Variants in PTK7 observed in about 807,000 individuals in gnomAD.
PTK7 encodes inactive tyrosine-protein kinase 7.
PTK7 carries 39 observed loss-of-function variants against 116.6 expected under a neutral mutation model. The ratio of observed to expected loss-of-function variants is 0.33; its 90% CI spans 0.26 to 0.44. The LOEUF (loss-of-function observed/expected upper bound fraction) is 0.44. PTK7 is among the 20% of genes least tolerant of loss of function. The pLI is 1.00. For synonymous variants in PTK7, 546 were observed against 563.6 expected, an observed-to-expected ratio of 0.97 and a Z score of 0.44; for missense variants, 1,169 against 1,425.6, an observed-to-expected ratio of 0.82 and a Z score of 2.90.
Position 43,141,880 on chromosome 6 carries a change from C to T in PTK7, c.1769-51C>T, listed in dbSNP as rs1582187033. 2.5e-6 allele frequency: 4 copies of T among 1,597,520 alleles called. No individual in the cohort carries two copies. In the East Asian group the frequency reaches 9.0e-5, roughly 36 times the overall value. The stretch of plus-strand genomic sequence containing the variant: ...TCTGGGGTAGCACCGTGTACCCTGC[C>T]AGCCCCTTGGCTTACCCCTCCCTGC... On this transcript the variant is annotated intron_variant, in intron 11 of 19. Coordinates refer to ENST00000230419, the MANE Select transcript of PTK7 (RefSeq NM_002821.5). This position sits in a 1 kb window ranked among gnomAD's most constrained non-coding sequence, Gnocchi z 4.9.
chr6:43,079,413 TCGTGC>T (rs1766239096), intron 1 of PTK7, among the ~76,000 whole-genome samples: 1 of 123,260 alleles, frequency 8.1e-6, no homozygotes, highest in African/African-American at 3.7e-5. Context: ...CTTGCAGTGA[TCGTGC>T]CACTGCACTC....
At position 43,139,307 on chromosome 6, in the gene PTK7, G is replaced by A. The variant is rs761529065; in HGVS notation, c.1498+36G>A. 4 of 1,614,200 alleles carry A rather than the reference G, an allele frequency of 2.5e-6. No individual in the cohort carries two copies. The highest frequency in any genetic ancestry group is 2.7e-5 in the African/African-American group (2 of 75,072). On this transcript the variant is annotated intron_variant, in intron 9 of 19. Coordinates refer to ENST00000230419, the MANE Select transcript of PTK7 (RefSeq NM_002821.5). The surrounding 1 kb of genome is among the most constrained non-coding windows in gnomAD (Gnocchi z 4.6). ...ATGTCTTGGGGGAGCACCCTTCCTG[G>A]CTAGGCAGGAGAGGAAAGGGGAGGG...
rs1243717750 is a variant in PTK7, at chr6:43,139,019, C to A, written c.1362+37C>A. The A allele has an allele frequency of 3.7e-6, 6 of 1,608,362 alleles. No individual in the cohort carries two copies. Among genetic ancestry groups the A allele is most frequent in the Non-Finnish European group, 3.4e-6 (4 of 1,176,060 alleles). On this transcript the variant is annotated intron_variant, in intron 8 of 19. Coordinates refer to ENST00000230419, the MANE Select transcript of PTK7 (RefSeq NM_002821.5). This position sits in a 1 kb window ranked among gnomAD's most constrained non-coding sequence, Gnocchi z 4.6. ...GAGTGTTGCTAGTGGATGGGCGGGG[C>A]CTTCCCTCCACTTGCCCTCTTCTGT...
At chr6:43,080,898 C>T (rs1054476403) in intron 1 of PTK7, among the ~76,000 whole-genome samples, 2 of 151,894 alleles carry the variant, frequency 1.3e-5, no homozygotes, top group Non-Finnish European at 2.9e-5. Context: ...GCCGAGATCG[C>T]GCCGCTGCAC....
chr6:43,143,675 C>T lies in PTK7; in HGVS notation c.2251+55C>T, dbSNP rs1770559900. 6.4e-7 allele frequency: 1 copy of T among 1,561,226 alleles called. No homozygotes were observed. The highest frequency in any genetic ancestry group is 1.4e-5 in the African/African-American group (1 of 73,520). On this transcript the variant is annotated intron_variant, in intron 14 of 19. Coordinates refer to ENST00000230419, the MANE Select transcript of PTK7 (RefSeq NM_002821.5). The surrounding 1 kb of genome is among the most constrained non-coding windows in gnomAD (Gnocchi z 4.2). ...CCGTGTGCGGGAGCTGAGCGCCCTC[C>T]CGCGGCCACGGAGGGGAGAGCGCCA...
chr6:43,085,178 A>T (rs182369631), intron 1 of PTK7, among the ~76,000 whole-genome samples: 3 of 152,312 alleles, frequency 2.0e-5, no homozygotes, highest in Non-Finnish European at 4.4e-5. Flanking sequence ...CAACTGTGGA[A>T]ATGGGTGACC....
In PTK7 at chr6:43,158,820, G is replaced by A; in HGVS notation, c.2725G>A (p.Ala909Thr). 6.2e-7 allele frequency: 1 copy of A among 1,613,828 alleles called. No homozygotes were observed. The change falls in exon 18 of 20, where the codon GCC becomes ACC. Residue 909 changes from alanine to threonine, a missense_variant. This residue lies in a region of PTK7 where 678 missense variants were observed against 853.8 expected (regional missense o/e 0.79). Transcript: ENST00000230419. ...SQPLSTKQKV[A>T]LCTQVALGME... ...ACAGGCCCCTTTATCTCTCCAGGTGGCCCTATGCACCCAGGTAGCCCTGGG... is the reference window on the plus strand; with the variant it reads ...ACAGGCCCCTTTATCTCTCCAGGTGACCCTATGCACCCAGGTAGCCCTGGG...
At chr6:43,113,028 G>C (rs888558705) in intron 1 of PTK7, among the ~76,000 whole-genome samples, 2 of 151,774 alleles carry the variant, frequency 1.3e-5, no homozygotes, top group African/African-American at 4.8e-5. Flanking sequence ...GGGTTTTGCT[G>C]TGCTGCTTAG....
intron 1 of PTK7, among the ~76,000 whole-genome samples, chr6:43,103,966 A>G (rs1400816645): frequency 6.6e-6 from 1 of 152,214 alleles, no homozygotes; most frequent in Non-Finnish European, 1.5e-5. Context: ...TGTTTTCTCA[A>G]ATCATGTGCA....
chr6:43,153,659 C>T (rs1429195154), intron 17 of PTK7, among the ~76,000 whole-genome samples: 1 of 152,210 alleles, frequency 6.6e-6, no homozygotes, highest in East Asian at 1.9e-4. Flanking sequence ...AATCCTCCCA[C>T]ATCAGCTTCT....
At chr6:43,115,155 T>C (rs997528468) in intron 1 of PTK7, among the ~76,000 whole-genome samples, 1 of 152,208 alleles carries the variant, frequency 6.6e-6, no homozygotes, top group Non-Finnish European at 1.5e-5. Context: ...AAAATACTTA[T>C]TTTGCTATCT....
intron 1 of PTK7, among the ~76,000 whole-genome samples, chr6:43,115,451 G>A (rs749547298): frequency 1.5e-4 from 23 of 152,026 alleles, no homozygotes; most frequent in Non-Finnish European, 2.2e-4. Flanking sequence ...GTGCCCCCAG[G>A]GCTCACCTAA....
chr6:43,103,226 G>C (rs1382207946), intron 1 of PTK7, among the ~76,000 whole-genome samples: 1 of 152,236 alleles, frequency 6.6e-6, no homozygotes, highest in African/African-American at 2.4e-5. Context: ...GACAGCACCA[G>C]TAAATACCCT....
rs1475020239 is a variant in PTK7, at chr6:43,129,296, C to CT, written c.367+33dup. Reference sequence around the variant, plus strand: ...GCCAGGGGGGCTGTGCCCAGTCCCCCTGTCAGACCCTCAATGACTGAGGCC... The same window carrying CT: ...GCCAGGGGGGCTGTGCCCAGTCCCCCTTGTCAGACCCTCAATGACTGAGGCC... On this transcript the variant is annotated intron_variant, in intron 2 of 19. Coordinates refer to ENST00000230419, the MANE Select transcript of PTK7 (RefSeq NM_002821.5). This position sits in a 1 kb window ranked among gnomAD's most constrained non-coding sequence, Gnocchi z 4.5. 1.2e-6 allele frequency: 2 copies of CT among 1,612,064 alleles called. No homozygotes were observed.
In PTK7 at chr6:43,150,069, TGATAA is replaced by T. The variant is rs548600972; in HGVS notation, c.2721+3375_2721+3379del. Among the ~76,000 whole-genome samples the T allele has an allele frequency of 6.4e-3, 980 of 152,342 alleles. 5 individuals are homozygous for T. The highest frequency in any genetic ancestry group is 0.021 in the South Asian group (100 of 4,832). ...GGTAGGTAATGCCTTTTAGAGTAGC[TGATAA>T]GATGATATCAGAGAGCTGTAATCTG... On this transcript the variant is annotated intron_variant, in intron 17 of 19. Coordinates refer to ENST00000230419, the MANE Select transcript of PTK7 (RefSeq NM_002821.5).
Position 43,132,427 on chromosome 6 carries a change from A to G in PTK7, c.968A>G (p.Glu323Gly). The change falls in exon 7 of 20, where the codon GAA (glutamate) becomes GGA (glycine). Residue 323 changes from glutamate (E) to glycine (G), a missense_variant. Physicochemically the swap from Glu to Gly is moderately conservative, Grantham distance 98. Transcript: ENST00000230419. ...LEATLHLAEI[E>G]DMPLFEPRVF... ...CCTACTTATGTCCTTGCAGAGATTGAAGACATGCCGCTATTTGAGCCACGG... is the reference window on the plus strand; with the variant it reads ...CCTACTTATGTCCTTGCAGAGATTGGAGACATGCCGCTATTTGAGCCACGG... 6.4e-7 allele frequency: 1 copy of G among 1,573,346 alleles called. No individual in the cohort carries two copies. The highest frequency in any genetic ancestry group is 1.2e-5 in the South Asian group (1 of 85,640).
At chr6:43,142,334 T>C in intron 13 of PTK7, 35 bp downstream of exon 13, 1 of 1,613,316 alleles carries the variant, frequency 6.2e-7, no homozygotes, top group Non-Finnish European at 8.5e-7. Flanking sequence ...GCACAGGAAG[T>C]GGTGGGCCCA....
chr6:43,098,618 A>C (rs1767385629), intron 1 of PTK7, among the ~76,000 whole-genome samples: 1 of 152,100 alleles, frequency 6.6e-6, no homozygotes, highest in South Asian at 2.1e-4. Context: ...AGCCTCCCAA[A>C]GTGTTAGGAT....
rs376896300 is a variant in PTK7, at chr6:43,157,326, CTATA to C, written c.2722-1455_2722-1452del. Reference sequence around the variant, plus strand: ...GCGTGCACACACACAGACACACACGCTATATATATATATATATATATATATATAT... The same window carrying C: ...GCGTGCACACACACAGACACACACGCTATATATATATATATATATATATAT... On this transcript the variant is annotated intron_variant, in intron 17 of 19. Coordinates refer to ENST00000230419, the MANE Select transcript of PTK7 (RefSeq NM_002821.5). 2.0e-3 allele frequency among the ~76,000 whole-genome samples: 45 copies of C among 21,976 alleles called. 1 individual carries two copies. Among genetic ancestry groups the C allele is most frequent in the East Asian group, 0.012 (5 of 418 alleles). The allele number at this position is 21,976 out of a possible 152,430, so 14.4% of individuals were successfully genotyped here. A position where few individuals can be genotyped will look rare whatever the true frequency, so the allele number is the denominator to read the frequency against.
Sources: allele counts gnomAD v4.1 joint callset (sites outside exome capture counted in the v4.1 genomes callset), GRCh38; gene constraint gnomAD v4.1.1; regional missense constraint gnomAD v4.1.1; non-coding constraint Gnocchi (gnomAD v3.1); transcripts MANE v1.5; gene names NCBI Gene and HGNC (gene_info 2026-07-23, HGNC 2026-07-21).